Variants in BICDL1 observed in about 807,000 individuals in gnomAD.
The protein encoded by BICDL1 is BICD family-like cargo adapter 1.
A neutral mutation model predicts 76.8 loss-of-function variants in BICDL1; 20 were observed. The observed-to-expected ratio is 0.26, with a 90% CI of 0.18 to 0.38. The LOEUF is 0.38. Among genes scored for constraint, BICDL1 ranks in the 10% least tolerant of loss-of-function variants. BICDL1 has a pLI of 1.00. For synonymous variants in BICDL1, 383 were observed against 337.1 expected, an observed-to-expected ratio of 1.14 and a Z score of -1.49; for missense variants, 700 against 798.6, an observed-to-expected ratio of 0.88 and a Z score of 1.49.
chr12:119,990,525 G>A (rs1951498143), intron 1 of BICDL1, among the ~76,000 whole-genome samples: 1 of 152,162 alleles, frequency 6.6e-6, no homozygotes, highest in Non-Finnish European at 1.5e-5. Flanking sequence ...TCCAGCCGCT[G>A]TGGGCCGTTC....
intron 2 of BICDL1, among the ~76,000 whole-genome samples, chr12:120,029,989 T>G (rs186425467): frequency 1.1e-3 from 168 of 152,278 alleles, no homozygotes; most frequent in African/African-American, 3.7e-3. Flanking sequence ...AACCTTCTTT[T>G]AAAATAGTCT....
intron 2 of BICDL1, among the ~76,000 whole-genome samples, chr12:120,017,087 AGGGT>A (rs1952080235): frequency 6.6e-6 from 1 of 152,072 alleles, no homozygotes; most frequent in East Asian, 1.9e-4. Flanking sequence ...TAGTAGAGAC[AGGGT>A]TTCACTGTGT....
chr12:120,076,471 A>C (rs1165476711), intron 7 of BICDL1, among the ~76,000 whole-genome samples: 4 of 152,212 alleles, frequency 2.6e-5, no homozygotes, highest in African/African-American at 9.6e-5. Flanking sequence ...AGAACTCCAC[A>C]GTGGATGCGG....
intron 2 of BICDL1, among the ~76,000 whole-genome samples, chr12:120,002,045 T>C (rs1287595950): frequency 6.6e-6 from 1 of 152,156 alleles, no homozygotes; most frequent in African/African-American, 2.4e-5. Flanking sequence ...AAAAAAAATT[T>C]TTTTAAGTGT....
intron 2 of BICDL1, among the ~76,000 whole-genome samples, chr12:120,005,760 T>C (rs1951839260): frequency 6.6e-6 from 1 of 152,248 alleles, no homozygotes; most frequent in Admixed American, 6.5e-5. Flanking sequence ...TAAATGGTTG[T>C]ATATAGTATT....
In BICDL1 at chr12:120,071,600, C is replaced by T; in HGVS notation, c.910-22C>T. On this transcript the variant is annotated intron_variant, in intron 4 of 9. Transcript: ENST00000548673. The surrounding 1 kb of genome is among the most constrained non-coding windows in gnomAD (Gnocchi z 4.8). ...GGTTTTTGTGTTTGGTAAACCTCAA[C>T]CATTTGCTCTTTCTTTGAAAGCTGC... is the stretch of plus-strand genomic sequence containing the variant. 6.3e-7 allele frequency: 1 copy of T among 1,587,312 alleles called. No homozygotes were observed. The highest frequency in any genetic ancestry group is 8.6e-7 in the Non-Finnish European group (1 of 1,166,294).
rs891016754 is a variant in BICDL1, at chr12:120,084,622, C to T, written c.1583+3605C>T. ...CTCATACTCAGGCCAGTTGCGGTGG[C>T]TCACACCTGTAATCCCAGCACTATG... On this transcript the variant is annotated intron_variant, in intron 8 of 9. Coordinates refer to ENST00000548673, the MANE Select transcript of BICDL1 (RefSeq NM_001367886.1). Among the ~76,000 whole-genome samples, 9 of 152,152 alleles carry T rather than the reference C, an allele frequency of 5.9e-5. No homozygotes were observed. The South Asian group carries it at 1.5e-3, about 25-fold the overall frequency.
At chr12:120,035,811 T>C (rs562252970) in intron 2 of BICDL1, among the ~76,000 whole-genome samples, 4 of 152,352 alleles carry the variant, frequency 2.6e-5, no homozygotes, top group South Asian at 4.1e-4. Flanking sequence ...GCACGACCTC[T>C]TCTTCCCCCA....
intron 2 of BICDL1, among the ~76,000 whole-genome samples, chr12:120,016,069 AC>A (rs1182155795): frequency 1.3e-5 from 2 of 152,024 alleles, no homozygotes; most frequent in Non-Finnish European, 2.9e-5. Context: ...TCCTGTCCCC[AC>A]CCGCAGCCCC....
intron 8 of BICDL1, 56 bp from the exon 9 acceptor site, chr12:120,089,895 A>T: frequency 6.3e-7 from 1 of 1,595,446 alleles, no homozygotes; most frequent in African/African-American, 1.3e-5. Flanking sequence ...CCAAGTAAAG[A>T]CCAAGATGCC....
intron 2 of BICDL1, among the ~76,000 whole-genome samples, chr12:120,024,911 C>A (rs2138729158): frequency 6.6e-6 from 1 of 152,266 alleles, no homozygotes; most frequent in Non-Finnish European, 1.5e-5. Flanking sequence ...CTCCTGACCT[C>A]AAATGATCTT....
intron 2 of BICDL1, among the ~76,000 whole-genome samples, chr12:120,025,211 C>T (rs1047247282): frequency 4.6e-5 from 7 of 152,052 alleles, no homozygotes; most frequent in African/African-American, 7.2e-5. Context: ...CCACCTCGCC[C>T]GGCTAATTTT....
At position 120,062,824 on chromosome 12, in the gene BICDL1, A is replaced by G. The variant is rs182740565; in HGVS notation, c.762+998A>G. Among the ~76,000 whole-genome samples the G allele has an allele frequency of 6.9e-4, 105 of 152,140 alleles. 1 individual carries two copies. Among genetic ancestry groups the G allele is most frequent in the African/African-American group, 2.4e-3 (101 of 41,492 alleles). On this transcript the variant is annotated intron_variant, in intron 3 of 9. Coordinates refer to ENST00000548673, the MANE Select transcript of BICDL1 (RefSeq NM_001367886.1). The stretch of plus-strand genomic sequence containing the variant: ...CTGTGTGTGACCATTTGTGTGCATG[A>G]CTTGCCATTCACCTGCCTCTGCCAG...
intron 2 of BICDL1, among the ~76,000 whole-genome samples, chr12:120,033,404 TCTCA>T (rs1412316266): frequency 1.2e-5 from 1 of 81,278 alleles, no homozygotes; most frequent in Non-Finnish European, 2.3e-5. Flanking sequence ...GGAGATGGAG[TCTCA>T]CTCTGTCGTC....
At chr12:120,018,694 T>TAA (rs35287713) in intron 2 of BICDL1, among the ~76,000 whole-genome samples, 136 of 150,094 alleles carry the variant, frequency 9.1e-4, no homozygotes, top group Middle Eastern at 3.4e-3. Context: ...GGAATTGTTA[T>TAA]AAAAAAAAAA....
At chr12:120,058,319 A>T (rs1354523888) in intron 2 of BICDL1, among the ~76,000 whole-genome samples, 4 of 152,188 alleles carry the variant, frequency 2.6e-5, no homozygotes, top group South Asian at 2.1e-4. Flanking sequence ...TATTTCTAAG[A>T]AGATCGCTTT....
chr12:119,990,752 C>G (rs989138455), intron 1 of BICDL1, among the ~76,000 whole-genome samples: 2 of 152,182 alleles, frequency 1.3e-5, no homozygotes, highest in African/African-American at 4.8e-5. Context: ...TTCCTGGCAG[C>G]TCAGAGTTGT....
chr12:120,001,255 CT>C lies in BICDL1; in HGVS notation c.645+2528del, dbSNP rs575992879. On this transcript the variant is annotated intron_variant, in intron 2 of 9. Transcript: ENST00000548673. ...AGGCCATACTTTTCTTTTTCTTCTT[CT>C]TTTTTTTTGAGACAGAGTCTTGCTT... 7.6e-3 allele frequency among the ~76,000 whole-genome samples: 1,144 copies of C among 151,138 alleles called. 14 individuals carry two copies. Among genetic ancestry groups the C allele is most frequent in the African/African-American group, 0.025 (1,045 of 41,284 alleles).
chr12:120,036,280 G>A (rs763454406), intron 2 of BICDL1, among the ~76,000 whole-genome samples: 9 of 152,178 alleles, frequency 5.9e-5, no homozygotes, highest in African/African-American at 1.9e-4. Flanking sequence ...TAAAATTAAT[G>A]GATCAGAAGG....
Sources: gnomAD v4.1 joint callset for allele counts (sites outside exome capture counted in the v4.1 genomes callset) on GRCh38, gnomAD v4.1.1 for gene constraint, Gnocchi (gnomAD v3.1) non-coding constraint, MANE v1.5 for transcripts, NCBI Gene and HGNC (gene_info 2026-07-23, HGNC 2026-07-21) for gene names.